The following RBPMS variants were observed in gnomAD, a reference collection of about 807,000 sequenced individuals.
RBPMS encodes RNA binding protein, mRNA processing factor.
A neutral mutation model predicts 26.8 loss-of-function variants in RBPMS; 7 were observed. The ratio of observed to expected loss-of-function variants is 0.26; its 90% CI spans 0.15 to 0.49. The LOEUF is 0.49. Ranked by LOEUF, RBPMS falls within the 20% of genes least tolerant of loss-of-function variation. The pLI is 0.98. For synonymous variants in RBPMS, 96 were observed against 93.3 expected (o/e 1.03, Z -0.17); for missense variants, 186 against 250.0 (o/e 0.74, Z 1.73).
intron 5 of RBPMS, among the ~76,000 whole-genome samples, chr8:30,514,813 A>G (rs531608723): frequency 2.8e-4 from 42 of 150,362 alleles, no homozygotes; most frequent in Non-Finnish European, 5.2e-4. Context: ...GGTGTGAGCC[A>G]CCACTCCCAG....
intron 1 of RBPMS, among the ~76,000 whole-genome samples, chr8:30,441,205 A>C (rs1327210719): frequency 2.0e-5 from 3 of 152,190 alleles, no homozygotes; most frequent in Non-Finnish European, 2.9e-5. Flanking sequence ...GGGTTGGACA[A>C]ATGTGAGATT....
At chr8:30,470,342 C>T (rs1323373049) in intron 1 of RBPMS, among the ~76,000 whole-genome samples, 1 of 151,946 alleles carries the variant, frequency 6.6e-6, no homozygotes, top group Admixed American at 6.6e-5. Flanking sequence ...CAAGATCACG[C>T]CATTGCACTC....
chr8:30,500,340 CT>C (rs36121330), intron 4 of RBPMS, among the ~76,000 whole-genome samples: 2,538 of 140,042 alleles, frequency 0.018, 44 homozygotes, highest in African/African-American at 0.048. Context: ...TGTTGAGTAT[CT>C]TTTTTTTTTT....
At chr8:30,497,264 C>T (rs1186715612) in intron 4 of RBPMS, among the ~76,000 whole-genome samples, 3 of 152,158 alleles carry the variant, frequency 2.0e-5, no homozygotes, top group Non-Finnish European at 4.4e-5. Flanking sequence ...TAGTAGAAGG[C>T]TTTTATTGTG....
intron 1 of RBPMS, among the ~76,000 whole-genome samples, chr8:30,466,174 C>T (rs1476061483): frequency 6.6e-6 from 1 of 152,128 alleles, no homozygotes; most frequent in Non-Finnish European, 1.5e-5. Context: ...GTGGATCCCT[C>T]AAAACTAGGG....
chr8:30,430,832 A>G (rs757518466), intron 1 of RBPMS, among the ~76,000 whole-genome samples: 43 of 152,380 alleles, frequency 2.8e-4, no homozygotes, highest in Non-Finnish European at 5.4e-4. Flanking sequence ...TATGTCTTAT[A>G]GTTCATTTAT....
At chr8:30,513,106 A>C (rs1053749173) in intron 5 of RBPMS, among the ~76,000 whole-genome samples, 1 of 151,904 alleles carries the variant, frequency 6.6e-6, no homozygotes, top group South Asian at 2.1e-4. Flanking sequence ...TAGGAGTCTC[A>C]GTGTGAAGAA....
chr8:30,422,483 C>A (rs189609190), intron 1 of RBPMS, among the ~76,000 whole-genome samples: 1 of 152,002 alleles, frequency 6.6e-6, no homozygotes, highest in Non-Finnish European at 1.5e-5. Flanking sequence ...TACCCAGGCT[C>A]GTCTCGAACT....
intron 1 of RBPMS, among the ~76,000 whole-genome samples, chr8:30,419,450 A>ATATGTG (rs1554509328): frequency 0.011 from 1,613 of 143,270 alleles, 33 homozygotes; most frequent in African/African-American, 0.037. Context: ...CATCTCAAAA[A>ATATGTG]TGTGTGTGTG....
intron 1 of RBPMS, among the ~76,000 whole-genome samples, chr8:30,421,150 GGT>G (rs369365898): frequency 1.3e-5 from 2 of 151,688 alleles, no homozygotes; most frequent in Admixed American, 6.6e-5. Context: ...TTCTTAGGGA[GGT>G]GTGTGTGTGT....
At chr8:30,530,884 A>C (rs1045014270) in intron 5 of RBPMS, among the ~76,000 whole-genome samples, 1 of 152,168 alleles carries the variant, frequency 6.6e-6, no homozygotes, top group African/African-American at 2.4e-5. Context: ...CCGAGGTCAC[A>C]TAGATGGTAA....
chr8:30,462,782 C>CA (rs1554519249), intron 1 of RBPMS, among the ~76,000 whole-genome samples: 1 of 151,940 alleles, frequency 6.6e-6, no homozygotes, highest in Non-Finnish European at 1.5e-5. Context: ...TAAAGAGAGA[C>CA]AGAGATTTTC....
chr8:30,393,514 T>G (rs1054772986), intron 1 of RBPMS, among the ~76,000 whole-genome samples: 1 of 151,964 alleles, frequency 6.6e-6, no homozygotes, highest in African/African-American at 2.4e-5. Flanking sequence ...GTGGGTTATA[T>G]TTTCATTTTC....
At position 30,433,960 on chromosome 8, in the gene RBPMS, A is replaced by G. The variant is rs559476757; in HGVS notation, c.67-40819A>G. On this transcript the variant is annotated intron_variant, in intron 1 of 8. Coordinates refer to ENST00000397323, the MANE Select transcript of RBPMS (RefSeq NM_001008710.3). Reference sequence around the variant, plus strand: ...AGGTGGTCCTAAACCCAAATCAGTAAATTCTTTGAGGTGGATAAACCTACA... The same window carrying G: ...AGGTGGTCCTAAACCCAAATCAGTAGATTCTTTGAGGTGGATAAACCTACA... Among the ~76,000 whole-genome samples, 37 of 152,294 alleles carry G rather than the reference A, an allele frequency of 2.4e-4. No individual in the cohort carries two copies. In the South Asian group the frequency reaches 7.1e-3, roughly 29 times the overall value.
At chr8:30,407,964 C>T (rs4733185) in intron 1 of RBPMS, among the ~76,000 whole-genome samples, 42,055 of 150,496 alleles carry the variant, frequency 0.28, 7,406 homozygotes, top group East Asian at 0.7. Flanking sequence ...TCTCAGGATC[C>T]TGCCTCCCTA....
At chr8:30,560,737 G>C (rs1277585401) in intron 7 of RBPMS, among the ~76,000 whole-genome samples, 1 of 152,134 alleles carries the variant, frequency 6.6e-6, no homozygotes, top group Non-Finnish European at 1.5e-5. Context: ...TATTTAAGAG[G>C]AGGGGGCTCT....
chr8:30,487,300 C>G (rs1818892720), intron 4 of RBPMS, among the ~76,000 whole-genome samples: 1 of 152,322 alleles, frequency 6.6e-6, no homozygotes, highest in Non-Finnish European at 1.5e-5. Context: ...AGTTCCCTTT[C>G]ACACACTGGC....
intron 1 of RBPMS, among the ~76,000 whole-genome samples, chr8:30,411,251 G>GCTC (rs553325815): frequency 8.6e-4 from 131 of 152,252 alleles, no homozygotes; most frequent in African/African-American, 3.0e-3. Context: ...CCTGTGTTTT[G>GCTC]CTCCTCCTGG....
At chr8:30,415,172 C>T (rs1302101097) in intron 1 of RBPMS, among the ~76,000 whole-genome samples, 1 of 152,198 alleles carries the variant, frequency 6.6e-6, no homozygotes, top group Non-Finnish European at 1.5e-5. Context: ...CAGCCTTCAC[C>T]TAGGTGCCCA....
Sources: gnomAD v4.1 joint callset for allele counts (sites outside exome capture counted in the v4.1 genomes callset) on GRCh38, gnomAD v4.1.1 for gene constraint, MANE v1.5 for transcripts, NCBI Gene and HGNC (gene_info 2026-07-23, HGNC 2026-07-21) for gene names.